NCKAP5: variants seen among roughly 807,000 people sequenced by gnomAD.
The protein encoded by NCKAP5 is NCK associated protein 5.
NCKAP5 carries 92 observed loss-of-function variants against 167.0 expected under a neutral mutation model. The ratio of observed to expected loss-of-function variants is 0.55; its 90% CI spans 0.47 to 0.66. NCKAP5 has a LOEUF of 0.66. Among genes scored for constraint, NCKAP5 ranks in the 30% least tolerant of loss-of-function variants. The probability of loss-of-function intolerance (pLI) is 0.00; values close to 1 mark genes in which losing one functional copy is unlikely to be tolerated. For synonymous variants in NCKAP5, 891 were observed against 877.4 expected (o/e 1.02, Z -0.27); for missense variants, 2,378 against 2,315.0 (o/e 1.03, Z -0.56).
Position 132,784,045 on chromosome 2 carries a change from T to C in NCKAP5, c.2766A>G (p.Ala922=), listed in dbSNP as rs376701491. The C allele has an allele frequency of 2.6e-4, 402 of 1,537,742 alleles. No homozygotes were observed. The highest frequency in any genetic ancestry group is 3.4e-4 in the Non-Finnish European group (386 of 1,146,032). ...GCGGAGGGGAAGGGGATTTCACCCC[T>C]GCCTCCGGCCCAGAGCCACAGTGTT... The part of the protein sequence containing the change: ...RDEHCGSGPE[A]GVKSPSPPPP... The change falls in exon 14 of 20, where the codon GCA becomes GCG. Residue 922 remains alanine, a synonymous_variant. Transcript: ENST00000409261.
In NCKAP5 at chr2:133,468,847, G is replaced by A. The variant is rs988227410; in HGVS notation, c.69+48611C>T. ...AGGTTTGCAACCCCTGCCTTTTTTT[G>A]TTTTCCATTTGCTTGGTAGATCTTC... is the stretch of plus-strand genomic sequence containing the variant. On this transcript the variant is annotated intron_variant, in intron 3 of 19. Coordinates refer to ENST00000409261, the MANE Select transcript of NCKAP5 (RefSeq NM_207363.3). Among the ~76,000 whole-genome samples, 8 of 151,682 alleles carry A rather than the reference G, an allele frequency of 5.3e-5. No individual in the cohort carries two copies. In the East Asian group the frequency reaches 1.5e-3, roughly 29 times the overall value.
chr2:133,031,462 C>T (rs1021064336), intron 6 of NCKAP5, among the ~76,000 whole-genome samples: 1 of 152,212 alleles, frequency 6.6e-6, no homozygotes, highest in Admixed American at 6.5e-5. Context: ...TGAGTGCCTG[C>T]AAACCTTGCC....
the NCKAP5 span, among the ~76,000 whole-genome samples, chr2:133,670,840 G>A: frequency 1.3e-5 from 2 of 152,172 alleles, no homozygotes; most frequent in East Asian, 3.8e-4. Flanking sequence ...AGTTTCTGCT[G>A]TTCCTGCCAG....
chr2:132,841,934 A>T (rs887031820), intron 11 of NCKAP5, among the ~76,000 whole-genome samples: 2 of 152,126 alleles, frequency 1.3e-5, no homozygotes, highest in African/African-American at 4.8e-5. Context: ...AATGTATCTT[A>T]ACTCATAAAT....
chr2:132,920,751 A>ATATG (rs1695308803), intron 8 of NCKAP5, among the ~76,000 whole-genome samples: 1 of 74,490 alleles, frequency 1.3e-5, no homozygotes, highest in African/African-American at 8.1e-5. Context: ...ATGTGTATAT[A>ATATG]TATATGTATA....
intron 16 of NCKAP5, among the ~76,000 whole-genome samples, chr2:132,744,141 C>CA (rs1679442532): frequency 6.6e-6 from 1 of 151,678 alleles, no homozygotes; most frequent in South Asian, 2.1e-4. Flanking sequence ...GAGACTATCA[C>CA]AAGGCATAGA....
At position 133,385,295 on chromosome 2, in the gene NCKAP5, C is replaced by T. The variant is rs190130880; in HGVS notation, c.70-82185G>A. Among the ~76,000 whole-genome samples the T allele has an allele frequency of 3.6e-4, 55 of 152,208 alleles. No homozygotes were observed. In the East Asian group the frequency reaches 9.1e-3, roughly 25 times the overall value. Reference sequence around the variant, plus strand: ...TTGTCAAAGGCCTTTTCTGCATCTACTGAGATAATCATGTGGTTTTTGTCT... The same window carrying T: ...TTGTCAAAGGCCTTTTCTGCATCTATTGAGATAATCATGTGGTTTTTGTCT... On this transcript the variant is annotated intron_variant, in intron 3 of 19. Transcript: ENST00000409261.
At chr2:133,309,317 T>C (rs946367976) in intron 3 of NCKAP5, among the ~76,000 whole-genome samples, 1 of 152,182 alleles carries the variant, frequency 6.6e-6, no homozygotes, top group Non-Finnish European at 1.5e-5. Context: ...GATTTGATTA[T>C]AAATTTTAGA....
At chr2:132,964,336 T>G (rs987208698) in intron 7 of NCKAP5, among the ~76,000 whole-genome samples, 11 of 152,210 alleles carry the variant, frequency 7.2e-5, no homozygotes, top group African/African-American at 2.4e-4. Flanking sequence ...AAGAGTGATT[T>G]CAGAATTCAA....
At position 133,373,899 on chromosome 2, in the gene NCKAP5, C is replaced by T. The variant is rs142206423; in HGVS notation, c.70-70789G>A. ...CCAAAAAGTGAATCTAGACACAGAC[C>T]TCACAACATTTACAAAAACTAATTC... On this transcript the variant is annotated intron_variant, in intron 3 of 19. Coordinates refer to ENST00000409261, the MANE Select transcript of NCKAP5 (RefSeq NM_207363.3). 7.2e-3 allele frequency among the ~76,000 whole-genome samples: 1,103 copies of T among 152,256 alleles called. 19 individuals carry two copies. Among genetic ancestry groups the T allele is most frequent in the African/African-American group, 0.025 (1,038 of 41,538 alleles).
chr2:133,385,699 C>T (rs1318018150), intron 3 of NCKAP5, among the ~76,000 whole-genome samples: 2 of 152,198 alleles, frequency 1.3e-5, no homozygotes, highest in East Asian at 3.9e-4. Flanking sequence ...GGTTGGTAAG[C>T]TATTAATTAT....
chr2:132,790,234 G>A (rs774812384), intron 12 of NCKAP5, 29 bp from the exon 13 acceptor site: 5 of 1,592,402 alleles, frequency 3.1e-6, no homozygotes, highest in Non-Finnish European at 4.3e-6. Flanking sequence ...TCTGAGCAAG[G>A]GCTTTGCTCA....
chr2:133,667,759 T>C, the NCKAP5 span, among the ~76,000 whole-genome samples: 1 of 152,086 alleles, frequency 6.6e-6, no homozygotes. Flanking sequence ...TTTCCTTCAA[T>C]AGCATTTTTA....
chr2:132,919,084 C>T (rs1264831942), intron 8 of NCKAP5, among the ~76,000 whole-genome samples: 1 of 152,126 alleles, frequency 6.6e-6, no homozygotes, highest in Non-Finnish European at 1.5e-5. Context: ...AGAAATTGTC[C>T]AGCTTCTTTT....
intron 6 of NCKAP5, among the ~76,000 whole-genome samples, chr2:133,103,652 C>A (rs188751255): frequency 5.9e-5 from 9 of 152,076 alleles, no homozygotes; most frequent in South Asian, 2.1e-4. Context: ...ATTGACTGGG[C>A]GTGGTACTCC....
chr2:132,856,255 T>A (rs915538052), intron 11 of NCKAP5, among the ~76,000 whole-genome samples: 3 of 152,072 alleles, frequency 2.0e-5, no homozygotes, highest in Non-Finnish European at 2.9e-5. Context: ...GCTTGGCTTG[T>A]GGACAGGTGG....
At chr2:132,988,498 A>T (rs1259812565) in intron 7 of NCKAP5, among the ~76,000 whole-genome samples, 1 of 150,736 alleles carries the variant, frequency 6.6e-6, no homozygotes, top group Non-Finnish European at 1.5e-5. Context: ...TCACTTACAG[A>T]CTAAGAGATT....
chr2:133,045,842 C>T (rs1006069439), intron 6 of NCKAP5, among the ~76,000 whole-genome samples: 1 of 152,090 alleles, frequency 6.6e-6, no homozygotes, highest in Non-Finnish European at 1.5e-5. Context: ...AATGCATTTG[C>T]GATGAGATGA....
rs529880932 is a variant in NCKAP5, at chr2:132,986,015, ACTCAC to A, written c.429+8132_429+8136del. On this transcript the variant is annotated intron_variant, in intron 7 of 19. Transcript: ENST00000409261. Reference sequence around the variant, plus strand: ...CTGTGTGCACTCAGTCACTCAATGTACTCACTGCCGATCTACATATTTACAGTTGT... The same window carrying A: ...CTGTGTGCACTCAGTCACTCAATGTATGCCGATCTACATATTTACAGTTGT... 1.1e-3 allele frequency among the ~76,000 whole-genome samples: 168 copies of A among 152,170 alleles called. 1 individual carries two copies. Among genetic ancestry groups the A allele is most frequent in the African/African-American group, 3.9e-3 (163 of 41,522 alleles).
Sources: allele counts gnomAD v4.1 joint callset (sites outside exome capture counted in the v4.1 genomes callset), GRCh38; gene constraint gnomAD v4.1.1; transcripts MANE v1.5; gene names NCBI Gene and HGNC (gene_info 2026-07-23, HGNC 2026-07-21).